The following KCNN2 variants were observed in gnomAD, a reference collection of about 807,000 sequenced individuals.
KCNN2 encodes potassium calcium-activated channel subfamily N member 2, also known as small conductance calcium-activated potassium channel protein 2.
A neutral mutation model predicts 55.5 loss-of-function variants in KCNN2; 24 were observed. The observed-to-expected ratio is 0.43, with a 90% CI of 0.31 to 0.61. The LOEUF (loss-of-function observed/expected upper bound fraction) is 0.61, where lower values mean the gene tolerates loss of function less well. KCNN2 is among the 20% of genes least tolerant of loss of function. The probability of loss-of-function intolerance (pLI) is 0.08; values close to 1 mark genes in which losing one functional copy is unlikely to be tolerated. For synonymous variants in KCNN2, 431 were observed against 336.1 expected (o/e 1.28, Z -3.09); for missense variants, 754 against 853.6 (o/e 0.88, Z 1.45).
intron 3 of KCNN2, among the ~76,000 whole-genome samples, chr5:114,459,517 T>C (rs1350353390): frequency 6.6e-6 from 1 of 152,194 alleles, no homozygotes; most frequent in Non-Finnish European, 1.5e-5. Flanking sequence ...AAAATGATAA[T>C]ATCATCCTGT....
At chr5:114,109,956 A>T (rs1751562154) in intron 1 of KCNN2, among the ~76,000 whole-genome samples, 1 of 152,004 alleles carries the variant, frequency 6.6e-6, no homozygotes, top group African/African-American at 2.4e-5. Context: ...GATTGTTAAG[A>T]GGTGATTAGT....
intron 2 of KCNN2, among the ~76,000 whole-genome samples, chr5:114,301,965 A>G (rs17430083): frequency 0.049 from 7,429 of 152,300 alleles, 208 homozygotes; most frequent in Non-Finnish European, 0.065. Flanking sequence ...CTTATTTTAG[A>G]TTTGAAAATG....
At chr5:114,422,619 A>G (rs1201703660) in intron 3 of KCNN2, among the ~76,000 whole-genome samples, 1 of 152,256 alleles carries the variant, frequency 6.6e-6, no homozygotes, top group African/African-American at 2.4e-5. Flanking sequence ...ATGGATTACA[A>G]ATGGCTAGGC....
At chr5:114,123,351 A>ATTTTTTTTTTTTTTTTTT (rs1172994171) in intron 1 of KCNN2, among the ~76,000 whole-genome samples, 3 of 65,008 alleles carry the variant, frequency 4.6e-5, no homozygotes, top group Admixed American at 1.7e-4. Flanking sequence ...CATTTTCTTA[A>ATTTTTTTTTTTTTTTTTT]TTTTTTTTTT....
chr5:114,279,657 G>T (rs1755578581), intron 2 of KCNN2, among the ~76,000 whole-genome samples: 1 of 152,180 alleles, frequency 6.6e-6, no homozygotes, highest in Non-Finnish European at 1.5e-5. Context: ...GCATAGTATT[G>T]CATCGTATAT....
intron 1 of KCNN2, among the ~76,000 whole-genome samples, chr5:114,200,067 A>G (rs1232553433): frequency 6.6e-6 from 1 of 152,132 alleles, no homozygotes; most frequent in African/African-American, 2.4e-5. Context: ...CTTGATAGAC[A>G]GGGAATTTTC....
Position 114,463,037 on chromosome 5 carries a change from G to T in KCNN2, c.1638-12G>T. 2 of 1,609,920 alleles carry T rather than the reference G, an allele frequency of 1.2e-6. No individual in the cohort carries two copies. Among genetic ancestry groups the T allele is most frequent in the Non-Finnish European group, 1.7e-6 (2 of 1,178,234 alleles). On this transcript the variant is annotated splice_polypyrimidine_tract_variant and intron_variant, in intron 3 of 7. Transcript: ENST00000673685. ...TAATTATAAAGGACTGGTTTTGTTT[G>T]CTGTTTTTCAGGTACCATGATCAAC...
At chr5:114,443,810 G>T (rs1362064503) in intron 3 of KCNN2, among the ~76,000 whole-genome samples, 1 of 152,194 alleles carries the variant, frequency 6.6e-6, no homozygotes, top group Non-Finnish European at 1.5e-5. Flanking sequence ...CAGCCTGAAC[G>T]TGTGTTTGGA....
In KCNN2 at chr5:114,070,756, CACTG is replaced by C. The variant is rs1750551576; in HGVS notation, c.-271+14262_-271+14265del. Among the ~76,000 whole-genome samples the C allele has an allele frequency of 2.0e-5, 3 of 152,350 alleles. No homozygotes were observed. The East Asian group carries it at 5.8e-4, about 29-fold the overall frequency. On this transcript the variant is annotated intron_variant, in intron 1 of 10. Coordinates refer to the KCNN2 transcript ENST00000512097. ...GGAGTGTGGTACTACACATATGTGA[CACTG>C]ACTGAGACAGGTCTGAATGCTTCCT... is the stretch of plus-strand genomic sequence containing the variant.
At chr5:114,234,135 C>G (rs1754423501) in intron 2 of KCNN2, among the ~76,000 whole-genome samples, 1 of 151,902 alleles carries the variant, frequency 6.6e-6, no homozygotes. Flanking sequence ...ATTGTTTGAA[C>G]TTTATTGAGG....
chr5:114,253,901 G>A (rs1174118437), intron 2 of KCNN2: 1 of 152,070 alleles, frequency 6.6e-6, no homozygotes, highest in East Asian at 1.9e-4. Context: ...GAGTCCTTAT[G>A]ATGCAATTAA....
At chr5:114,075,898 A>G (rs779156999) in intron 1 of KCNN2, among the ~76,000 whole-genome samples, 4 of 152,252 alleles carry the variant, frequency 2.6e-5, no homozygotes, top group Non-Finnish European at 5.9e-5. Flanking sequence ...AAGCAGAGCC[A>G]CTTAGCTCAT....
intron 1 of KCNN2, among the ~76,000 whole-genome samples, chr5:114,165,740 G>A (rs1161846740): frequency 1.3e-5 from 2 of 152,042 alleles, no homozygotes; most frequent in South Asian, 2.1e-4. Context: ...GCTTACTTTA[G>A]TATAATAATA....
intron 1 of KCNN2, among the ~76,000 whole-genome samples, chr5:114,143,605 CTG>C (rs1752334543): frequency 6.6e-6 from 1 of 152,174 alleles, no homozygotes; most frequent in Non-Finnish European, 1.5e-5. Context: ...CTATGAACAT[CTG>C]TTTTTCTGTG....
At chr5:114,457,817 A>G (rs1760999808) in intron 3 of KCNN2, among the ~76,000 whole-genome samples, 1 of 152,154 alleles carries the variant, frequency 6.6e-6, no homozygotes, top group Non-Finnish European at 1.5e-5. Context: ...GATTCTCTTT[A>G]GTCATTAAAG....
At chr5:114,295,187 A>G (rs1755981977) in intron 2 of KCNN2, among the ~76,000 whole-genome samples, 2 of 152,134 alleles carry the variant, frequency 1.3e-5, no homozygotes, top group African/African-American at 4.8e-5. Flanking sequence ...CCATTCTCAG[A>G]TCTCCAGCTG....
intron 1 of KCNN2, among the ~76,000 whole-genome samples, chr5:114,103,894 G>A (rs962942294): frequency 6.6e-6 from 1 of 151,944 alleles, no homozygotes; most frequent in Non-Finnish European, 1.5e-5. Context: ...TTCTTTTTTT[G>A]TTGTGTCTTT....
chr5:114,399,238 G>A (rs1222269360), intron 2 of KCNN2, among the ~76,000 whole-genome samples: 1 of 152,072 alleles, frequency 6.6e-6, no homozygotes, highest in Non-Finnish European at 1.5e-5. Flanking sequence ...GTTTGTTGAG[G>A]GGTTTTAACA....
chr5:114,064,900 C>G (rs1444747418), intron 1 of KCNN2, among the ~76,000 whole-genome samples: 1 of 152,036 alleles, frequency 6.6e-6, no homozygotes, highest in Non-Finnish European at 1.5e-5. Context: ...ACAGTCTTTC[C>G]CTTGTATCAT....
Sources: gnomAD v4.1 joint callset for allele counts (sites outside exome capture counted in the v4.1 genomes callset) on GRCh38, gnomAD v4.1.1 for gene constraint, MANE v1.5 for transcripts, NCBI Gene and HGNC (gene_info 2026-07-23, HGNC 2026-07-21) for gene names.